The following CA10 variants were observed in gnomAD, a reference collection of about 807,000 sequenced individuals.
CA10 encodes carbonic anhydrase 10 (inactive), also known as carbonic anhydrase-related protein 10.
Under a neutral mutation model 44.2 loss-of-function variants are expected in CA10, and 14 were observed. The ratio of observed to expected loss-of-function variants is 0.32; its 90% CI spans 0.21 to 0.50. The LOEUF is 0.50. Ranked by LOEUF, CA10 falls within the 20% of genes least tolerant of loss-of-function variation. CA10 has a pLI of 0.99. For synonymous variants in CA10, 159 were observed against 141.6 expected (o/e 1.12, Z -0.87); for missense variants, 350 against 409.7 (o/e 0.85, Z 1.26).
chr17:51,654,926 T>C (rs1486763044), intron 4 of CA10, among the ~76,000 whole-genome samples: 1 of 152,114 alleles, frequency 6.6e-6, no homozygotes, highest in African/African-American at 2.4e-5. Context: ...CACCTCTTTC[T>C]AATTCTAGTC....
intron 1 of CA10, among the ~76,000 whole-genome samples, chr17:52,109,842 C>G (rs1270837015): frequency 6.6e-6 from 1 of 152,164 alleles, no homozygotes; most frequent in African/African-American, 2.4e-5. Context: ...TCAGAGAAGG[C>G]AATAGCAAAG....
chr17:51,904,576 T>C (rs1452922204), intron 3 of CA10, among the ~76,000 whole-genome samples: 2 of 152,248 alleles, frequency 1.3e-5, no homozygotes, highest in African/African-American at 2.4e-5. Context: ...AGTCACGTGA[T>C]ACACTTTTAA....
chr17:52,127,222 C>T (rs562081079), intron 1 of CA10, among the ~76,000 whole-genome samples: 1 of 152,270 alleles, frequency 6.6e-6, no homozygotes, highest in South Asian at 2.1e-4. Flanking sequence ...TACATATTGT[C>T]CAGCAAGTTT....
At chr17:51,976,472 G>C (rs558864588) in intron 2 of CA10, among the ~76,000 whole-genome samples, 1 of 152,116 alleles carries the variant, frequency 6.6e-6, no homozygotes, top group East Asian at 1.9e-4. Flanking sequence ...CACATATTTA[G>C]AAATTAAACA....
intron 1 of CA10, among the ~76,000 whole-genome samples, chr17:52,105,421 A>T (rs577404349): frequency 6.6e-6 from 1 of 151,960 alleles, no homozygotes; most frequent in Non-Finnish European, 1.5e-5. Flanking sequence ...CACCCGGCTA[A>T]TTTTTTGTAT....
chr17:52,099,104 C>T (rs1476765216), intron 1 of CA10, among the ~76,000 whole-genome samples: 2 of 152,050 alleles, frequency 1.3e-5, no homozygotes, highest in African/African-American at 4.8e-5. Flanking sequence ...AGAATGATGT[C>T]ATTTAAGCTC....
rs1915959504 is a variant in CA10 at position 51,712,088 on chromosome 17, T to C, written c.465+35545A>G. Among the ~76,000 whole-genome samples the C allele has an allele frequency of 1.3e-5, 2 of 152,194 alleles. 1 individual carries two copies. Among genetic ancestry groups the C allele is most frequent in the South Asian group, 4.1e-4 (2 of 4,826 alleles). On this transcript the variant is annotated intron_variant, in intron 4 of 8. Coordinates refer to ENST00000451037, the MANE Select transcript of CA10 (RefSeq NM_020178.5). Reference sequence around the variant, plus strand: ...AACAAGCCTATTCTAAAGTGAGAGCTACCCCAGGCTCCAGACACTATCTTG... The same window carrying C: ...AACAAGCCTATTCTAAAGTGAGAGCCACCCCAGGCTCCAGACACTATCTTG...
chr17:52,115,487 T>TG (rs985846098), intron 1 of CA10, among the ~76,000 whole-genome samples: 1 of 152,204 alleles, frequency 6.6e-6, no homozygotes, highest in Non-Finnish European at 1.5e-5. Context: ...TTGTCACTCT[T>TG]GGGGGTCAGG....
intron 4 of CA10, among the ~76,000 whole-genome samples, chr17:51,716,206 G>T (rs1198707066): frequency 6.6e-6 from 1 of 152,022 alleles, no homozygotes; most frequent in Non-Finnish European, 1.5e-5. Context: ...GGTCCCCTGG[G>T]TCACCTTACT....
At chr17:51,983,901 A>G (rs1207064295) in intron 2 of CA10, among the ~76,000 whole-genome samples, 5 of 151,820 alleles carry the variant, frequency 3.3e-5, no homozygotes, top group Non-Finnish European at 7.4e-5. Context: ...AAAAAGGTGA[A>G]AGACCTTTTC....
rs1980937054 is a variant in CA10 at position 51,893,269 on chromosome 17, G to A, written c.279+37721C>T. Among the ~76,000 whole-genome samples, 3 of 152,196 alleles carry A rather than the reference G, an allele frequency of 2.0e-5. No homozygotes were observed. The South Asian group carries it at 6.2e-4, about 32-fold the overall frequency. On this transcript the variant is annotated intron_variant, in intron 3 of 8. Transcript: ENST00000451037. ...GGTGGAAATTGTCTGTACGGATGTT[G>A]GAAAAATCCACGCTCTAAGTCCGAA...
intron 3 of CA10, among the ~76,000 whole-genome samples, chr17:51,831,678 G>GCAGCAGCAT (rs1908254628): frequency 2.0e-5 from 1 of 49,034 alleles, no homozygotes; most frequent in African/African-American, 6.8e-5. Flanking sequence ...AGCAGCAGCA[G>GCAGCAGCAT]CAGCAGCAGC....
chr17:51,830,995 G>A (rs971709491), intron 3 of CA10, among the ~76,000 whole-genome samples: 2 of 152,192 alleles, frequency 1.3e-5, no homozygotes, highest in African/African-American at 2.4e-5. Flanking sequence ...TATATCAATC[G>A]AATATACCCA....
chr17:51,648,504 A>G lies in CA10; in HGVS notation c.634+678T>C, dbSNP rs111721113. Among the ~76,000 whole-genome samples, 224 of 152,218 alleles carry G rather than the reference A, an allele frequency of 1.5e-3. 1 individual carries two copies. The highest frequency in any genetic ancestry group is 5.1e-3 in the African/African-American group (212 of 41,524). The stretch of plus-strand genomic sequence containing the variant: ...AAAGACAATCTTTTTTCCTCATATT[A>G]TTTCTTTCATCTATGGGTGTGTGCT... On this transcript the variant is annotated intron_variant, in intron 6 of 8. Transcript: ENST00000451037.
intron 2 of CA10, among the ~76,000 whole-genome samples, chr17:51,971,061 T>C (rs938581609): frequency 9.9e-5 from 15 of 152,074 alleles, no homozygotes; most frequent in African/African-American, 3.6e-4. Flanking sequence ...CAAAATACAC[T>C]ATGAAAGAAA....
At chr17:52,012,178 TGAA>T (rs1985819468) in intron 2 of CA10, among the ~76,000 whole-genome samples, 1 of 152,050 alleles carries the variant, frequency 6.6e-6, no homozygotes, top group Non-Finnish European at 1.5e-5. Flanking sequence ...ATATTACAGA[TGAA>T]GAAACTGAGG....
At chr17:51,671,740 A>C (rs1914436227) in intron 4 of CA10, among the ~76,000 whole-genome samples, 2 of 152,168 alleles carry the variant, frequency 1.3e-5, no homozygotes, top group South Asian at 4.1e-4. Context: ...TGTCTCTACC[A>C]GGAATGGCCA....
intron 3 of CA10, among the ~76,000 whole-genome samples, chr17:51,910,736 G>A (rs533961847): frequency 6.6e-6 from 1 of 152,258 alleles, no homozygotes; most frequent in South Asian, 2.1e-4. Flanking sequence ...CTAGCAATTA[G>A]GGTTAAAGAA....
intron 3 of CA10, among the ~76,000 whole-genome samples, chr17:51,877,307 A>G (rs73346542): frequency 0.011 from 1,612 of 152,344 alleles, 38 homozygotes; most frequent in African/African-American, 0.037. Flanking sequence ...ATCCACTGGT[A>G]TTTTGAGATT....
Sources: gnomAD v4.1 joint callset for allele counts (sites outside exome capture counted in the v4.1 genomes callset) on GRCh38, gnomAD v4.1.1 for gene constraint, MANE v1.5 for transcripts, NCBI Gene and HGNC (gene_info 2026-07-23, HGNC 2026-07-21) for gene names.